Variants in SCHIP1 observed in about 807,000 individuals in gnomAD.
SCHIP1 encodes schwannomin-interacting protein 1.
A neutral mutation model predicts 29.7 loss-of-function variants in SCHIP1; 8 were observed. The ratio of observed to expected loss-of-function variants is 0.27; its 90% CI spans 0.16 to 0.49. The LOEUF (loss-of-function observed/expected upper bound fraction) is 0.49. Ranked by LOEUF, SCHIP1 falls within the 20% of genes least tolerant of loss-of-function variation. The probability of loss-of-function intolerance (pLI) is 0.99; values close to 1 mark genes in which losing one functional copy is unlikely to be tolerated. For synonymous variants in SCHIP1, 76 were observed against 94.9 expected (o/e 0.80, Z 1.16); for missense variants, 193 against 294.6 (o/e 0.66, Z 2.52).
the SCHIP1 span, among the ~76,000 whole-genome samples, chr3:159,351,571 TTA>T: frequency 5.7e-3 from 872 of 152,182 alleles, 9 homozygotes; most frequent in Non-Finnish European, 9.6e-3. Flanking sequence ...TTTAAAATTT[TTA>T]TCTTATTTTA....
chr3:159,675,624 C>G, the SCHIP1 span, among the ~76,000 whole-genome samples: 1 of 152,192 alleles, frequency 6.6e-6, no homozygotes, highest in African/African-American at 2.4e-5. Flanking sequence ...GTTTAAGAAG[C>G]TCTGGTGAGT....
At chr3:159,816,229 G>A in the SCHIP1 span, among the ~76,000 whole-genome samples, 1 of 151,796 alleles carries the variant, frequency 6.6e-6, no homozygotes, top group Admixed American at 6.6e-5. Flanking sequence ...GATTACAGGT[G>A]TGAGCCACTG....
intron 5 of SCHIP1, among the ~76,000 whole-genome samples, chr3:159,890,262 A>ATACAT (rs1416187591): frequency 6.6e-6 from 1 of 152,214 alleles, no homozygotes; most frequent in African/African-American, 2.4e-5. Context: ...TAATTGTTGA[A>ATACAT]GCTAGTTGGA....
At chr3:159,611,263 G>T in the SCHIP1 span, among the ~76,000 whole-genome samples, 1 of 152,136 alleles carries the variant, frequency 6.6e-6, no homozygotes, top group Non-Finnish European at 1.5e-5. Context: ...TCTTATGAAT[G>T]TCAGAGATGA....
the SCHIP1 span, among the ~76,000 whole-genome samples, chr3:159,738,971 G>A: frequency 6.6e-6 from 1 of 152,226 alleles, no homozygotes; most frequent in Non-Finnish European, 1.5e-5. Flanking sequence ...GTCCATAGGA[G>A]CCAGATTGAG....
the SCHIP1 span, among the ~76,000 whole-genome samples, chr3:159,828,563 T>C: frequency 6.6e-6 from 1 of 151,282 alleles, no homozygotes; most frequent in Non-Finnish European, 1.5e-5. Flanking sequence ...AATGAGAAAA[T>C]GTATCGTACT....
chr3:159,395,449 G>T, the SCHIP1 span, among the ~76,000 whole-genome samples: 2 of 151,428 alleles, frequency 1.3e-5, no homozygotes, highest in Non-Finnish European at 2.9e-5. Flanking sequence ...TTTCTCTTTT[G>T]GGCATTTAGT....
chr3:159,286,435 G>C, the SCHIP1 span, among the ~76,000 whole-genome samples: 4 of 152,054 alleles, frequency 2.6e-5, no homozygotes, highest in Non-Finnish European at 4.4e-5. Context: ...AGTATTCCAT[G>C]GTGTATATAT....
the SCHIP1 span, among the ~76,000 whole-genome samples, chr3:159,572,596 T>C: frequency 6.6e-6 from 1 of 152,136 alleles, no homozygotes; most frequent in Non-Finnish European, 1.5e-5. Flanking sequence ...ATATTCTGTT[T>C]ATTTGGGATG....
In SCHIP1 at chr3:159,888,950, G is replaced by A. The variant is rs1267717443; in HGVS notation, c.589+7G>A. 15 of 1,612,888 alleles carry A rather than the reference G, an allele frequency of 9.3e-6. No homozygotes were observed. Among genetic ancestry groups the A allele is most frequent in the African/African-American group, 1.3e-5 (1 of 74,882 alleles). ...CTCCATTCCCAGATAGAAAGTAAGT[G>A]TAAGATATGCTTGAAAATAGGATAT... On this transcript the variant is annotated splice_region_variant and intron_variant, in intron 5 of 6. Transcript: ENST00000445224.
the SCHIP1 span, among the ~76,000 whole-genome samples, chr3:159,556,041 A>G: frequency 5.3e-5 from 8 of 152,318 alleles, no homozygotes; most frequent in Non-Finnish European, 7.3e-5. Context: ...TGTTCTGCAC[A>G]TGTATCCCAG....
At chr3:159,455,619 G>A in the SCHIP1 span, among the ~76,000 whole-genome samples, 1 of 152,228 alleles carries the variant, frequency 6.6e-6, no homozygotes, top group Non-Finnish European at 1.5e-5. Context: ...GCACAAGTAA[G>A]TTCAGCAAGA....
At chr3:159,638,085 C>T in the SCHIP1 span, among the ~76,000 whole-genome samples, 2 of 152,182 alleles carry the variant, frequency 1.3e-5, no homozygotes, top group Non-Finnish European at 2.9e-5. Context: ...AAAATAGTCT[C>T]ATGTTCTCAA....
the SCHIP1 span, among the ~76,000 whole-genome samples, chr3:159,392,038 G>C: frequency 2.6e-5 from 4 of 152,168 alleles, no homozygotes; most frequent in Non-Finnish European, 5.9e-5. Flanking sequence ...TTTCCTTCTG[G>C]AGGGAAAAGA....
At chr3:159,486,750 C>T in the SCHIP1 span, among the ~76,000 whole-genome samples, 10 of 152,206 alleles carry the variant, frequency 6.6e-5, no homozygotes, top group African/African-American at 1.7e-4. Flanking sequence ...GGCTCAGCAG[C>T]GCCACCACAG....
intron 1 of SCHIP1, among the ~76,000 whole-genome samples, chr3:159,843,677 G>T (rs1254209069): frequency 6.6e-6 from 1 of 151,924 alleles, no homozygotes; most frequent in Non-Finnish European, 1.5e-5. Context: ...CAAAAAATCA[G>T]CCGGCCAAGG....
At chr3:159,793,367 T>C in the SCHIP1 span, among the ~76,000 whole-genome samples, 4 of 152,192 alleles carry the variant, frequency 2.6e-5, no homozygotes, top group African/African-American at 9.6e-5. Flanking sequence ...TTCTCTTATA[T>C]TGTGTCTGTT....
chr3:159,585,969 AATGGATGG>A, the SCHIP1 span, among the ~76,000 whole-genome samples: 1 of 151,948 alleles, frequency 6.6e-6, no homozygotes, highest in Non-Finnish European at 1.5e-5. Context: ...TGGATGGATG[AATGGATGG>A]ATGGATGGAT....
At chr3:159,737,881 G>A in the SCHIP1 span, among the ~76,000 whole-genome samples, 5 of 152,142 alleles carry the variant, frequency 3.3e-5, no homozygotes, top group East Asian at 1.9e-4. Flanking sequence ...GCACGGGTGC[G>A]GGAGTGGAGA....
Sources: gnomAD v4.1 joint callset for allele counts (sites outside exome capture counted in the v4.1 genomes callset) on GRCh38, gnomAD v4.1.1 for gene constraint, MANE v1.5 for transcripts, NCBI Gene and HGNC (gene_info 2026-07-23, HGNC 2026-07-21) for gene names.